LSAMP: variants seen among roughly 807,000 people sequenced by gnomAD.
LSAMP encodes the protein limbic system-associated membrane protein.
A neutral mutation model predicts 38.6 loss-of-function variants in LSAMP; 7 were observed. The observed-to-expected ratio is 0.18, with a 90% CI of 0.10 to 0.34. The LOEUF is 0.34. Ranked by LOEUF, LSAMP falls within the 10% of genes least tolerant of loss-of-function variation. LSAMP has a pLI of 1.00. For missense variants in LSAMP, 313 were observed against 420.0 expected, an observed-to-expected ratio of 0.75 and a Z score of 2.23; for synonymous variants, 154 against 166.8, an observed-to-expected ratio of 0.92 and a Z score of 0.59.
intron 1 of LSAMP, among the ~76,000 whole-genome samples, chr3:116,360,289 C>T (rs568698529): frequency 1.1e-5 from 1 of 89,076 alleles, no homozygotes; most frequent in African/African-American, 4.9e-5. Context: ...CCGAATATTG[C>T]GCTTTTCAGA....
intron 1 of LSAMP, among the ~76,000 whole-genome samples, chr3:116,275,211 C>T (rs1280594565): frequency 6.6e-6 from 1 of 151,958 alleles, no homozygotes; most frequent in African/African-American, 2.4e-5. Context: ...CACCATCATG[C>T]CTGGCTAATT....
chr3:116,013,851 C>T (rs1300701499), intron 3 of LSAMP, among the ~76,000 whole-genome samples: 1 of 152,148 alleles, frequency 6.6e-6, no homozygotes, highest in Non-Finnish European at 1.5e-5. Flanking sequence ...AATGCATTAT[C>T]ATTCTAGGCC....
chr3:116,253,438 A>G (rs1292496516), intron 1 of LSAMP, among the ~76,000 whole-genome samples: 1 of 152,190 alleles, frequency 6.6e-6, no homozygotes, highest in African/African-American at 2.4e-5. Context: ...TAGGTGATAC[A>G]TATAGCATGT....
At chr3:115,875,501 A>G (rs1174017481) in intron 3 of LSAMP, among the ~76,000 whole-genome samples, 2 of 152,104 alleles carry the variant, frequency 1.3e-5, no homozygotes, top group African/African-American at 4.8e-5. Context: ...AAATATCACT[A>G]TGTGCTAGGC....
At chr3:116,141,341 G>C (rs919484140) in intron 1 of LSAMP, among the ~76,000 whole-genome samples, 8 of 151,948 alleles carry the variant, frequency 5.3e-5, no homozygotes, top group African/African-American at 1.9e-4. Context: ...GCGGAGAAGA[G>C]TGAGAAGAAA....
At chr3:116,435,892 G>A (rs370796480) in intron 1 of LSAMP, among the ~76,000 whole-genome samples, 1 of 152,174 alleles carries the variant, frequency 6.6e-6, no homozygotes, top group African/African-American at 2.4e-5. Flanking sequence ...TAAGAAGGCA[G>A]CAGGTTTAGA....
At chr3:116,333,601 C>T (rs1408775684) in intron 1 of LSAMP, among the ~76,000 whole-genome samples, 1 of 148,240 alleles carries the variant, frequency 6.7e-6, no homozygotes, top group Non-Finnish European at 1.5e-5. Context: ...AGTCAGAAAT[C>T]AATAAAATAA....
intron 1 of LSAMP, among the ~76,000 whole-genome samples, chr3:116,407,404 T>C (rs957007938): frequency 2.0e-5 from 3 of 152,082 alleles, no homozygotes; most frequent in Non-Finnish European, 4.4e-5. Flanking sequence ...ATACTGATTA[T>C]TGCAAATCTT....
chr3:115,885,131 C>A (rs1447474123), intron 3 of LSAMP, among the ~76,000 whole-genome samples: 2 of 151,808 alleles, frequency 1.3e-5, no homozygotes, highest in Non-Finnish European at 2.9e-5. Flanking sequence ...AAGAATAATG[C>A]AAACTCATTC....
At chr3:115,905,185 T>C (rs1405924364) in intron 3 of LSAMP, among the ~76,000 whole-genome samples, 2 of 152,108 alleles carry the variant, frequency 1.3e-5, no homozygotes. Context: ...CCAAAATTGC[T>C]CTTTTAGAAT....
intron 3 of LSAMP, among the ~76,000 whole-genome samples, chr3:115,885,220 C>A (rs992535697): frequency 5.3e-5 from 8 of 151,904 alleles, no homozygotes; most frequent in Admixed American, 5.3e-4. Context: ...GCAGAATTTG[C>A]GTTTGTCTGT....
intron 1 of LSAMP, among the ~76,000 whole-genome samples, chr3:116,371,183 T>C (rs1462936095): frequency 2.6e-5 from 4 of 152,074 alleles, no homozygotes; most frequent in Non-Finnish European, 5.9e-5. Context: ...GGAGGGAACA[T>C]TCCCCTTACT....
chr3:116,177,003 T>A (rs1257435923), intron 1 of LSAMP, among the ~76,000 whole-genome samples: 2 of 152,106 alleles, frequency 1.3e-5, no homozygotes, highest in Non-Finnish European at 2.9e-5. Context: ...CCAAAGTAAA[T>A]CTTACTTGGA....
intron 1 of LSAMP, among the ~76,000 whole-genome samples, chr3:116,200,501 A>G (rs2045973575): frequency 6.6e-6 from 1 of 152,210 alleles, no homozygotes; most frequent in African/African-American, 2.4e-5. Flanking sequence ...TATCAAAGAC[A>G]AAGTCTAGCT....
chr3:116,411,390 T>C (rs955281325), intron 1 of LSAMP, among the ~76,000 whole-genome samples: 7 of 151,858 alleles, frequency 4.6e-5, no homozygotes, highest in Non-Finnish European at 1.0e-4. Flanking sequence ...TGTCCAACAA[T>C]GATAGACTGG....
Position 116,445,384 on chromosome 3 carries a change from C to G in LSAMP, c.-353G>C. On this transcript the variant is annotated 5_prime_UTR_variant, in exon 1 of 7. Transcript: ENST00000490035. ...GGATGCTCCTCTGCCAGTGTCTGAG[C>G]TGAGCTCCTTCGCTCTGTAACCCAC... The G allele has an allele frequency of 2.1e-6, 1 of 481,992 alleles. No individual in the cohort carries two copies. The highest frequency in any genetic ancestry group is 3.6e-6 in the Non-Finnish European group (1 of 276,924). The allele number at this position is 481,992 out of a possible 1,614,324, so 29.9% of individuals were successfully genotyped here. A position where few individuals can be genotyped will look rare whatever the true frequency, so the allele number is the denominator to read the frequency against.
intron 1 of LSAMP, among the ~76,000 whole-genome samples, chr3:116,346,711 G>T (rs772606846): frequency 6.6e-6 from 1 of 152,180 alleles, no homozygotes; most frequent in Non-Finnish European, 1.5e-5. Context: ...TACCAGAGGG[G>T]CTGTATGTGT....
chr3:116,342,422 C>T (rs1051692077), intron 1 of LSAMP, among the ~76,000 whole-genome samples: 21 of 151,914 alleles, frequency 1.4e-4, no homozygotes, highest in Non-Finnish European at 2.9e-4. Context: ...GGATCTGAAC[C>T]AATTTATAGT....
rs946497775 is a variant in LSAMP, at chr3:116,058,500, GC to G, written c.388+27823del. On this transcript the variant is annotated intron_variant, in intron 2 of 6. Coordinates refer to ENST00000490035, the MANE Select transcript of LSAMP (RefSeq NM_002338.5). ...AATTAAAAAGTTTTTTAAAAATGGG[GC>G]TTGATAATTCCTAAGTCCTTTTTAG... is the stretch of plus-strand genomic sequence containing the variant. 8.6e-4 allele frequency among the ~76,000 whole-genome samples: 130 copies of G among 151,584 alleles called. 1 individual carries two copies. Among genetic ancestry groups the G allele is most frequent in the African/African-American group, 3.0e-3 (125 of 41,356 alleles).
Sources: allele counts gnomAD v4.1 joint callset (sites outside exome capture counted in the v4.1 genomes callset), GRCh38; gene constraint gnomAD v4.1.1; transcripts MANE v1.5; gene names NCBI Gene and HGNC (gene_info 2026-07-23, HGNC 2026-07-21).